Variants in APLF observed in about 807,000 individuals in gnomAD.
The protein encoded by APLF is aprataxin and PNK-like factor.
In APLF, 61 loss-of-function variants were observed where a neutral mutation model predicts 55.6. The observed-to-expected ratio is 1.10, with a 90% CI of 0.89 to 1.36. APLF has a LOEUF of 1.36. APLF is among the 40% of genes most tolerant of loss of function. The probability of loss-of-function intolerance (pLI) is 0.00; values close to 1 mark genes in which losing one functional copy is unlikely to be tolerated. For missense variants in APLF, 611 were observed against 602.5 expected (o/e 1.01, Z -0.15); for synonymous variants, 207 against 214.8 (o/e 0.96, Z 0.32).
At position 68,513,174 on chromosome 2, in the gene APLF, C is replaced by G; in HGVS notation, c.436C>G (p.Leu146Val). ...TCATGAGACTACTGGTGCCTCACAA[C>G]TGGAAGGAAGCACAGAAATAGCCAA... ...LPHETTGASQ[L>V]EGSTEIAKTQ... The change falls in exon 4 of 10, where the codon CTG becomes GTG. Residue 146 changes from leucine to valine, a missense_variant. Leu to Val is a conservative substitution (Grantham distance 32). Coordinates refer to ENST00000303795, the MANE Select transcript of APLF (RefSeq NM_173545.3). 1 of 1,611,280 alleles carries G rather than the reference C, an allele frequency of 6.2e-7. No homozygotes were observed. The highest frequency in any genetic ancestry group is 8.5e-7 in the Non-Finnish European group (1 of 1,178,466).
intron 1 of APLF, among the ~76,000 whole-genome samples, chr2:68,474,725 A>G (rs1409147879): frequency 3.3e-5 from 5 of 152,106 alleles, no homozygotes; most frequent in Non-Finnish European, 5.9e-5. Context: ...CTGGAGTTCA[A>G]TGGTGCGATC....
chr2:68,563,266 C>G, intron 8 of APLF: 2 of 985,110 alleles, frequency 2.0e-6, no homozygotes, highest in Non-Finnish European at 2.4e-6. Context: ...GTACATGTAC[C>G]TAACATTTTT....
At chr2:68,566,461 C>A (rs1017502953) in intron 8 of APLF, among the ~76,000 whole-genome samples, 2 of 151,942 alleles carry the variant, frequency 1.3e-5, no homozygotes, top group African/African-American at 2.4e-5. Context: ...TGCTTAGAGC[C>A]GGAATATAGT....
chr2:68,520,402 A>G (rs1472306200), intron 5 of APLF, among the ~76,000 whole-genome samples: 2 of 151,854 alleles, frequency 1.3e-5, no homozygotes, highest in East Asian at 1.9e-4. Flanking sequence ...GCCAATTTCT[A>G]GAAGGGTTTT....
At chr2:68,516,933 T>C (rs1266376100) in intron 5 of APLF, among the ~76,000 whole-genome samples, 1 of 123,764 alleles carries the variant, frequency 8.1e-6, no homozygotes, top group Non-Finnish European at 1.6e-5. Context: ...ATATATAATA[T>C]ATAATATAAT....
At chr2:68,565,093 G>C (rs1671265719) in intron 8 of APLF, among the ~76,000 whole-genome samples, 1 of 152,052 alleles carries the variant, frequency 6.6e-6, no homozygotes, top group Non-Finnish European at 1.5e-5. Context: ...ATGACAAAAA[G>C]TTCTGTTGGA....
At chr2:68,480,009 A>G (rs778082940) in intron 1 of APLF, among the ~76,000 whole-genome samples, 6 of 152,178 alleles carry the variant, frequency 3.9e-5, no homozygotes, top group Admixed American at 2.6e-4. Context: ...GCTTATTATA[A>G]GAATATACTG....
intron 6 of APLF, among the ~76,000 whole-genome samples, chr2:68,532,092 CT>C (rs1029740693): frequency 3.3e-5 from 5 of 152,120 alleles, no homozygotes; most frequent in Non-Finnish European, 7.4e-5. Flanking sequence ...CCAGCAGAGC[CT>C]TTCCAAACCC....
intron 1 of APLF, among the ~76,000 whole-genome samples, chr2:68,479,737 G>T (rs939786164): frequency 4.6e-5 from 7 of 152,076 alleles, no homozygotes; most frequent in Non-Finnish European, 1.0e-4. Context: ...AAGCAAAAAA[G>T]TTAGGCAAGT....
chr2:68,562,081 C>T (rs1250270840), intron 8 of APLF, among the ~76,000 whole-genome samples: 1 of 151,754 alleles, frequency 6.6e-6, no homozygotes, highest in African/African-American at 2.4e-5. Flanking sequence ...GAAATGATAC[C>T]GTTTGTGATA....
At chr2:68,486,929 T>C (rs1033415360) in intron 1 of APLF, among the ~76,000 whole-genome samples, 3 of 152,142 alleles carry the variant, frequency 2.0e-5, no homozygotes, top group African/African-American at 7.2e-5. Flanking sequence ...TTTATGCCAT[T>C]TGTCCTACCC....
chr2:68,513,821 T>A (rs1669489170), intron 5 of APLF, 141 bp downstream of exon 5: 1 of 945,208 alleles, frequency 1.1e-6, no homozygotes, highest in East Asian at 2.7e-5. Flanking sequence ...CTAGTTTTTT[T>A]AGTTGTGAAC....
chr2:68,561,045 A>G (rs1309783334), intron 8 of APLF, among the ~76,000 whole-genome samples: 1 of 152,134 alleles, frequency 6.6e-6, no homozygotes, highest in Non-Finnish European at 1.5e-5. Flanking sequence ...AATTTTATAT[A>G]TTATTGAAGG....
In APLF at chr2:68,502,784, A is replaced by T; in HGVS notation, c.222A>T (p.Pro74=). The T allele has an allele frequency of 6.2e-7, 1 of 1,605,052 alleles. No homozygotes were observed. Among genetic ancestry groups the T allele is most frequent in the South Asian group, 1.1e-5 (1 of 89,152 alleles). The part of the protein sequence containing the change: ...YQSSEKSQLL[P]LKPNLWCYLN... ...CTTCAGAGAAGAGTCAGCTCTTACC[A>T]TTGAAGCCAAATCTATGGTGCTATT... Residue 74 remains proline, a synonymous_variant, in exon 3 of 10, where the codon CCA becomes CCT. Transcript: ENST00000303795.
intron 2 of APLF, among the ~76,000 whole-genome samples, chr2:68,492,897 A>G (rs567983151): frequency 6.6e-6 from 1 of 152,324 alleles, no homozygotes; most frequent in South Asian, 2.1e-4. Context: ...CATAAATGTG[A>G]TGTTTAGACA....
At chr2:68,536,156 A>G (rs1413225103) in intron 6 of APLF, among the ~76,000 whole-genome samples, 1 of 152,058 alleles carries the variant, frequency 6.6e-6, no homozygotes, top group Non-Finnish European at 1.5e-5. Context: ...TGGGGGGTTG[A>G]GATTGGGGTG....
chr2:68,508,586 G>A (rs35859673), intron 3 of APLF, among the ~76,000 whole-genome samples: 34,259 of 151,760 alleles, frequency 0.23, 5,972 homozygotes, highest in African/African-American at 0.5. Flanking sequence ...GCAAACAAAG[G>A]AAAAGTAGAT....
intron 5 of APLF, among the ~76,000 whole-genome samples, chr2:68,518,271 T>C (rs1669707571): frequency 8.6e-6 from 1 of 116,830 alleles, no homozygotes; most frequent in African/African-American, 3.5e-5. Flanking sequence ...ATAGATAATA[T>C]ATCAGTATAT....
intron 2 of APLF, among the ~76,000 whole-genome samples, chr2:68,498,285 T>C (rs1676619699): frequency 6.6e-6 from 1 of 152,212 alleles, no homozygotes; most frequent in Non-Finnish European, 1.5e-5. Context: ...TAAAAATCTT[T>C]GTAAAATTAC....
Sources: gnomAD v4.1 joint callset for allele counts (sites outside exome capture counted in the v4.1 genomes callset) on GRCh38, gnomAD v4.1.1 for gene constraint, MANE v1.5 for transcripts, NCBI Gene and HGNC (gene_info 2026-07-23, HGNC 2026-07-21) for gene names.